SHC4: variants seen among roughly 807,000 people sequenced by gnomAD.
SHC4 encodes the protein SHC-transforming protein 4.
In SHC4, 41 loss-of-function variants were observed where a neutral mutation model predicts 69.4. The observed-to-expected ratio is 0.59, with a 90% CI of 0.46 to 0.77. The LOEUF (loss-of-function observed/expected upper bound fraction) is 0.77, where lower values mean the gene tolerates loss of function less well. SHC4 is among the 30% of genes least tolerant of loss of function. The probability of loss-of-function intolerance (pLI) is 0.00; values close to 1 mark genes in which losing one functional copy is unlikely to be tolerated. For synonymous variants in SHC4, 318 were observed against 299.3 expected (o/e 1.06, Z -0.64); for missense variants, 777 against 783.8 (o/e 0.99, Z 0.10).
At chr15:48,906,082 T>G (rs1434685237) in intron 2 of SHC4, among the ~76,000 whole-genome samples, 1 of 152,202 alleles carries the variant, frequency 6.6e-6, no homozygotes, top group African/African-American at 2.4e-5. Flanking sequence ...ATGACTATTT[T>G]ATATACCTCT....
chr15:48,871,241 T>C (rs772007790), intron 5 of SHC4, among the ~76,000 whole-genome samples: 5 of 152,230 alleles, frequency 3.3e-5, no homozygotes, highest in Non-Finnish European at 7.3e-5. Flanking sequence ...TTCCCCCTGC[T>C]TTCTTGACAT....
intron 4 of SHC4, chr15:48,876,450 TATACACACACACACACACGTATATACAC>T: frequency 3.1e-6 from 1 of 320,268 alleles, no homozygotes; most frequent in Non-Finnish European, 5.5e-6. Context: ...TACATATATA[TATACACACACACACACACGTATATACAC>T]ATACACACAT....
intron 4 of SHC4, chr15:48,877,813 A>C: frequency 5.5e-6 from 1 of 182,046 alleles, no homozygotes; most frequent in Non-Finnish European, 1.2e-5. Flanking sequence ...GCCCAGGGGA[A>C]GAGGAAGGGG....
At chr15:48,876,572 C>T in intron 4 of SHC4, 1 of 695,114 alleles carries the variant, frequency 1.4e-6, no homozygotes, top group South Asian at 1.5e-5. Flanking sequence ...CTACAATAGG[C>T]TGTCTGCAGG....
At chr15:48,891,782 T>C (rs768618284) in intron 2 of SHC4, among the ~76,000 whole-genome samples, 1 of 152,216 alleles carries the variant, frequency 6.6e-6, no homozygotes, top group Non-Finnish European at 1.5e-5. Flanking sequence ...ATATTTTCTA[T>C]AGTTTCGATT....
intron 1 of SHC4, among the ~76,000 whole-genome samples, chr15:48,955,265 G>A (rs1027623784): frequency 1.3e-5 from 2 of 152,168 alleles, no homozygotes; most frequent in African/African-American, 4.8e-5. Context: ...AATACCACGG[G>A]TGGGTGTGCA....
At chr15:48,860,338 C>T (rs1460050759) in intron 6 of SHC4, among the ~76,000 whole-genome samples, 1 of 151,854 alleles carries the variant, frequency 6.6e-6, no homozygotes, top group Non-Finnish European at 1.5e-5. Context: ...AACCCCGTAT[C>T]TATTAAAAAT....
intron 1 of SHC4, among the ~76,000 whole-genome samples, chr15:48,943,030 A>G (rs1166786509): frequency 6.6e-6 from 1 of 152,218 alleles, no homozygotes; most frequent in Non-Finnish European, 1.5e-5. Flanking sequence ...ATCCTCCAGA[A>G]AGTCTCACTG....
intron 6 of SHC4, among the ~76,000 whole-genome samples, chr15:48,860,210 G>A (rs1402999726): frequency 6.6e-6 from 1 of 151,898 alleles, no homozygotes; most frequent in Non-Finnish European, 1.5e-5. Context: ...TAAATTCCCA[G>A]TCCAATTAAA....
intron 11 of SHC4, among the ~76,000 whole-genome samples, chr15:48,833,014 T>C (rs868868014): frequency 1.3e-5 from 2 of 152,250 alleles, no homozygotes; most frequent in South Asian, 4.1e-4. Flanking sequence ...AGTTAATTCA[T>C]ATGCCTCTGT....
chr15:48,884,380 A>C lies in SHC4; in HGVS notation c.721-13T>G. The C allele has an allele frequency of 1.9e-6, 3 of 1,570,146 alleles. No individual in the cohort carries two copies. The highest frequency in any genetic ancestry group is 2.6e-6 in the Non-Finnish European group (3 of 1,165,962). ...ACTTAACTGGAGGCTTTAAAAATTA[A>C]AGAAGAAAAACAAAACACTGTTAGG... On this transcript the variant is annotated splice_polypyrimidine_tract_variant and intron_variant, in intron 3 of 11. Coordinates refer to ENST00000332408, the MANE Select transcript of SHC4 (RefSeq NM_203349.4).
intron 1 of SHC4, among the ~76,000 whole-genome samples, chr15:48,926,649 G>T (rs1040929993): frequency 5.9e-5 from 9 of 152,046 alleles, no homozygotes; most frequent in African/African-American, 2.2e-4. Context: ...TTTTAGTAGA[G>T]ACAGGGTTTC....
At chr15:48,919,612 C>A (rs893121613) in intron 2 of SHC4, among the ~76,000 whole-genome samples, 35 of 151,698 alleles carry the variant, frequency 2.3e-4, no homozygotes, top group African/African-American at 8.0e-4. Context: ...TATCAAACTC[C>A]CTGCCCAAAT....
rs917267293 is a variant in SHC4 at position 48,823,974 on chromosome 15, C to G, written c.*1997G>C. 2 of 152,190 alleles carry G rather than the reference C, an allele frequency of 1.3e-5. No homozygotes were observed. The highest frequency in any genetic ancestry group is 6.5e-5 in the Admixed American group (1 of 15,278). The allele number at this position is 152,190 out of a possible 1,614,324, so 9.4% of individuals were successfully genotyped here. On this transcript the variant is annotated 3_prime_UTR_variant, in exon 12 of 12. Coordinates refer to ENST00000332408, the MANE Select transcript of SHC4 (RefSeq NM_203349.4). ...CCATGTGTACTGCTGACACCATTTA[C>G]AGTCATTGCATCTATTTGTATCAGG...
intron 3 of SHC4, 105 bp downstream of exon 3, chr15:48,890,643 C>G: frequency 7.7e-7 from 1 of 1,306,590 alleles, no homozygotes; most frequent in South Asian, 1.2e-5. Context: ...CTAATAAAGG[C>G]CAGGCTGGAC....
intron 5 of SHC4, among the ~76,000 whole-genome samples, chr15:48,868,928 A>G (rs1206150957): frequency 6.6e-6 from 1 of 152,218 alleles, no homozygotes; most frequent in African/African-American, 2.4e-5. Context: ...GGAAAGCCAC[A>G]ATTGCTGGGG....
intron 4 of SHC4, among the ~76,000 whole-genome samples, chr15:48,874,741 A>T (rs916483143): frequency 2.6e-5 from 4 of 152,080 alleles, no homozygotes; most frequent in African/African-American, 9.7e-5. Context: ...TCATATCAAA[A>T]CCCTATCGGT....
chr15:48,889,453 C>T (rs1048838051), intron 3 of SHC4, among the ~76,000 whole-genome samples: 1 of 152,208 alleles, frequency 6.6e-6, no homozygotes, highest in African/African-American at 2.4e-5. Flanking sequence ...CTGGCTCTGA[C>T]CTTAATCATC....
chr15:48,846,468 C>T (rs1899094666), intron 9 of SHC4, among the ~76,000 whole-genome samples: 1 of 152,104 alleles, frequency 6.6e-6, no homozygotes, highest in South Asian at 2.1e-4. Flanking sequence ...GCAATATGCT[C>T]CCCCTCCTTT....
Sources: gnomAD v4.1 joint callset for allele counts (sites outside exome capture counted in the v4.1 genomes callset) on GRCh38, gnomAD v4.1.1 for gene constraint, MANE v1.5 for transcripts, NCBI Gene and HGNC (gene_info 2026-07-23, HGNC 2026-07-21) for gene names.